Variants in FGD4 observed in about 807,000 individuals in gnomAD.
FGD4 encodes the protein FYVE, RhoGEF and PH domain-containing protein 4.
FGD4 carries 42 observed loss-of-function variants against 102.0 expected under a neutral mutation model. The observed-to-expected ratio is 0.41, with a 90% CI of 0.32 to 0.53. The LOEUF (loss-of-function observed/expected upper bound fraction) is 0.53. FGD4 is among the 20% of genes least tolerant of loss of function. The pLI is 0.21. For missense variants in FGD4, 902 were observed against 1,078.2 expected, an observed-to-expected ratio of 0.84 and a Z score of 2.29; for synonymous variants, 380 against 375.7, an observed-to-expected ratio of 1.01 and a Z score of -0.13.
intron 1 of FGD4, among the ~76,000 whole-genome samples, chr12:32,510,077 ACATTATCAATAGCTTTAAAAATG>A (rs1422865512): frequency 2.0e-5 from 3 of 152,244 alleles, no homozygotes; most frequent in Non-Finnish European, 4.4e-5. Flanking sequence ...TACAACTACT[ACATTATCAATAGCTTTAAAAATG>A]TTTTTCACAC....
intron 1 of FGD4, among the ~76,000 whole-genome samples, chr12:32,493,085 G>A (rs551205809): frequency 2.0e-4 from 31 of 152,290 alleles, no homozygotes; most frequent in Non-Finnish European, 3.2e-4. Context: ...GGATTTAGAT[G>A]ACTGCCATTT....
chr12:32,585,222 T>TTA (rs140227421), intron 4 of FGD4, among the ~76,000 whole-genome samples: 6,811 of 115,616 alleles, frequency 0.059, 216 homozygotes, highest in East Asian at 0.1. Flanking sequence ...CTCAAAAATT[T>TTA]TATATATATA....
chr12:32,547,950 C>T (rs1943361403), intron 1 of FGD4, among the ~76,000 whole-genome samples: 1 of 152,188 alleles, frequency 6.6e-6, no homozygotes, highest in African/African-American at 2.4e-5. Flanking sequence ...AAGTGATCCA[C>T]CTGCCTCGGC....
intron 1 of FGD4, among the ~76,000 whole-genome samples, chr12:32,488,157 C>T (rs1943969425): frequency 1.3e-5 from 2 of 149,984 alleles, no homozygotes; most frequent in African/African-American, 2.5e-5. Context: ...GAGATTTTCC[C>T]GAATAATTCA....
At chr12:32,487,350 C>G (rs1356413171) in intron 1 of FGD4, among the ~76,000 whole-genome samples, 1 of 152,062 alleles carries the variant, frequency 6.6e-6, no homozygotes, top group Non-Finnish European at 1.5e-5. Flanking sequence ...TGAATATTAC[C>G]CTTTTTACAC....
At chr12:32,594,812 A>T (rs547219099) in intron 4 of FGD4, among the ~76,000 whole-genome samples, 2 of 152,302 alleles carry the variant, frequency 1.3e-5, no homozygotes, top group East Asian at 3.9e-4. Flanking sequence ...CAGGCGGAAC[A>T]CAAGGTCAGG....
chr12:32,599,762 C>T (rs993645645), intron 5 of FGD4, among the ~76,000 whole-genome samples: 1 of 151,504 alleles, frequency 6.6e-6, no homozygotes, highest in Non-Finnish European at 1.5e-5. Flanking sequence ...GTTGGCCAGG[C>T]TGGTCTTAAA....
intron 1 of FGD4, chr12:32,556,903 T>A (rs10844242): frequency 0.42 from 64,608 of 152,154 alleles, 15,729 homozygotes; most frequent in African/African-American, 0.68. Flanking sequence ...CCTAGGCTGG[T>A]GTGCAGTGGC....
Position 32,425,659 on chromosome 12 carries a change from G to A in FGD4, c.166+25700G>A, listed in dbSNP as rs149194991. On this transcript the variant is annotated intron_variant, in intron 1 of 16. Coordinates refer to ENST00000534526, the MANE Select transcript of FGD4 (RefSeq NM_001370298.3). ...TAGCATTGAATGTGTAAATTACTTCGGGCAGTATGGCCATTTTCACGATAG... is the reference window on the plus strand; with the variant it reads ...TAGCATTGAATGTGTAAATTACTTCAGGCAGTATGGCCATTTTCACGATAG... Among the ~76,000 whole-genome samples, 691 of 152,238 alleles carry A rather than the reference G, an allele frequency of 4.5e-3. 11 individuals are homozygous for A. The highest frequency in any genetic ancestry group is 0.015 in the African/African-American group (643 of 41,548).
chr12:32,561,070 G>GTTTTTTTTTTTTTTTTTTTTTT lies in FGD4; in HGVS notation c.167-3063_167-3062insTTTTTTTTTTTTTTTTTTTTTT, dbSNP rs1267043755. ...AGCAGAAATGTGGTTTCTTTGTTGG[G>GTTTTTTTTTTTTTTTTTTTTTT]TTTTGTTTTTTTTTTTTTTTTTTTT... is the stretch of plus-strand genomic sequence containing the variant. On this transcript the variant is annotated intron_variant, in intron 1 of 16. Transcript: ENST00000534526. Among the ~76,000 whole-genome samples, 10 of 90,814 alleles carry GTTTTTTTTTTTTTTTTTTTTTT rather than the reference G, an allele frequency of 1.1e-4. 3 individuals are homozygous for GTTTTTTTTTTTTTTTTTTTTTT. Among genetic ancestry groups the GTTTTTTTTTTTTTTTTTTTTTT allele is most frequent in the Non-Finnish European group, 1.7e-4 (8 of 46,058 alleles). The allele number at this position is 90,814 out of a possible 152,430, so 59.6% of individuals were successfully genotyped here.
intron 1 of FGD4, among the ~76,000 whole-genome samples, chr12:32,521,385 A>AAAAAG (rs1771024826): frequency 6.6e-6 from 1 of 151,994 alleles, no homozygotes; most frequent in Non-Finnish European, 1.5e-5. Flanking sequence ...AAAAAAAAAA[A>AAAAAG]AAAAAGGACA....
At chr12:32,540,830 G>A (rs924000412) in intron 1 of FGD4, among the ~76,000 whole-genome samples, 9 of 152,114 alleles carry the variant, frequency 5.9e-5, no homozygotes, top group Admixed American at 2.6e-4. Context: ...CTCCCAAAGC[G>A]CTGGGATTAC....
intron 4 of FGD4, among the ~76,000 whole-genome samples, chr12:32,588,751 G>A (rs1046271564): frequency 1.3e-5 from 2 of 152,214 alleles, no homozygotes; most frequent in African/African-American, 4.8e-5. Context: ...AATTAGCCAG[G>A]ATCAGCAAGT....
intron 1 of FGD4, among the ~76,000 whole-genome samples, chr12:32,425,284 G>A (rs532594029): frequency 4.3e-4 from 65 of 152,172 alleles, no homozygotes; most frequent in African/African-American, 1.5e-3. Context: ...TCAGTTTTCT[G>A]CATATGGCTA....
intron 15 of FGD4, among the ~76,000 whole-genome samples, chr12:32,638,273 A>G (rs1344352610): frequency 6.6e-6 from 1 of 152,058 alleles, no homozygotes; most frequent in Non-Finnish European, 1.5e-5. Context: ...CTGGATTCAG[A>G]CTCTCTGGGT....
intron 1 of FGD4, among the ~76,000 whole-genome samples, chr12:32,542,990 A>G (rs909061138): frequency 6.6e-6 from 1 of 152,180 alleles, no homozygotes; most frequent in Non-Finnish European, 1.5e-5. Flanking sequence ...GTCAGATCCC[A>G]TAGGTGAAAC....
At chr12:32,448,443 A>G (rs1942682297) in intron 1 of FGD4, among the ~76,000 whole-genome samples, 1 of 152,136 alleles carries the variant, frequency 6.6e-6, no homozygotes, top group African/African-American at 2.4e-5. Flanking sequence ...GGATCACCTG[A>G]GGTCAGGAGT....
chr12:32,426,848 G>A (rs1012346513), intron 1 of FGD4, among the ~76,000 whole-genome samples: 1 of 152,136 alleles, frequency 6.6e-6, no homozygotes, highest in Non-Finnish European at 1.5e-5. Context: ...TAGTTTATTT[G>A]CATAGAGGTG....
intron 2 of FGD4, among the ~76,000 whole-genome samples, chr12:32,571,120 A>ATTAAATATGAAT (rs1945625312): frequency 6.6e-6 from 1 of 152,202 alleles, no homozygotes; most frequent in Non-Finnish European, 1.5e-5. Flanking sequence ...GAGCAGTAAG[A>ATTAAATATGAAT]TTAAATATGA....
Sources: gnomAD v4.1 joint callset for allele counts (sites outside exome capture counted in the v4.1 genomes callset) on GRCh38, gnomAD v4.1.1 for gene constraint, MANE v1.5 for transcripts, NCBI Gene and HGNC (gene_info 2026-07-23, HGNC 2026-07-21) for gene names.